ATG4B: variants seen among roughly 807,000 people sequenced by gnomAD.
ATG4B encodes cysteine protease ATG4B.
ATG4B carries 29 observed loss-of-function variants against 56.6 expected under a neutral mutation model. The observed-to-expected ratio is 0.51, with a 90% CI of 0.38 to 0.70. The LOEUF is 0.70. Ranked by LOEUF, ATG4B falls within the 30% of genes least tolerant of loss-of-function variation. The probability of loss-of-function intolerance (pLI) is 0.00; values close to 1 mark genes in which losing one functional copy is unlikely to be tolerated. For synonymous variants in ATG4B, 224 were observed against 206.1 expected (o/e 1.09, Z -0.74); for missense variants, 461 against 515.5 (o/e 0.89, Z 1.02).
chr2:241,655,970 T>C (rs1382929556), intron 6 of ATG4B, among the ~76,000 whole-genome samples: 1 of 152,198 alleles, frequency 6.6e-6, no homozygotes, highest in African/African-American at 2.4e-5. Context: ...TCTGATTCCA[T>C]GTGTCCTGGC....
intron 7 of ATG4B, among the ~76,000 whole-genome samples, chr2:241,664,772 C>T (rs1011302525): frequency 1.9e-4 from 29 of 151,902 alleles, no homozygotes; most frequent in Admixed American, 1.7e-3. Flanking sequence ...GAGACCAGCC[C>T]GGCCAATGTG....
chr2:241,639,766 A>G (rs1011719403), intron 1 of ATG4B, among the ~76,000 whole-genome samples: 2 of 152,198 alleles, frequency 1.3e-5, no homozygotes, highest in African/African-American at 4.8e-5. Flanking sequence ...TATGCAAAAA[A>G]GGTTAAAACA....
At chr2:241,654,434 A>G (rs2068328883) in intron 4 of ATG4B, 112 bp from the exon 5 acceptor site, 1 of 720,732 alleles carries the variant, frequency 1.4e-6, no homozygotes, top group East Asian at 2.9e-5. Context: ...AAAAAAAAAA[A>G]AAAAAAAAGA....
In ATG4B at chr2:241,651,284, G is replaced by A; in HGVS notation, c.133G>A (p.Asp45Asn). The change falls in exon 3 of 13, where the codon GAT becomes AAT. Residue 45 changes from aspartate to asparagine, a missense_variant. Transcript: ENST00000404914. The surrounding 1 kb of genome is among the most constrained non-coding windows in gnomAD (Gnocchi z 4.1). ...TCTAGAAAAGGACGAGATCTTGTCT[G>A]ATGTGGCATCTAGACTTTGGTTTAC... is the stretch of plus-strand genomic sequence containing the variant. ...IFTEKDEILS[D>N]VASRLWFTYR... The A allele has an allele frequency of 6.2e-7, 1 of 1,602,344 alleles. No individual in the cohort carries two copies. The highest frequency in any genetic ancestry group is 8.5e-7 in the Non-Finnish European group (1 of 1,173,940).
At chr2:241,656,062 C>G (rs2068392542) in intron 6 of ATG4B, among the ~76,000 whole-genome samples, 2 of 152,172 alleles carry the variant, frequency 1.3e-5, no homozygotes, top group Admixed American at 1.3e-4. Flanking sequence ...GTCTGAGGGC[C>G]AGCGTCTCCC....
chr2:241,670,197 T>C (rs1346152611), intron 10 of ATG4B, among the ~76,000 whole-genome samples: 2 of 152,146 alleles, frequency 1.3e-5, no homozygotes, highest in Non-Finnish European at 2.9e-5. Flanking sequence ...CTAGTGACTG[T>C]CATTACAGGC....
At chr2:241,659,062 C>T in intron 6 of ATG4B, 46 bp from the exon 7 acceptor site, 1 of 1,466,522 alleles carries the variant, frequency 6.8e-7, no homozygotes, top group Non-Finnish European at 9.3e-7. Flanking sequence ...GATGAACCGT[C>T]TTTGAATTGT....
At chr2:241,640,291 C>T (rs1173709411) in intron 1 of ATG4B, among the ~76,000 whole-genome samples, 1 of 152,228 alleles carries the variant, frequency 6.6e-6, no homozygotes, top group Non-Finnish European at 1.5e-5. Flanking sequence ...TTAAAGGTCT[C>T]TGTTTATGCT....
chr2:241,650,482 G>C (rs1022069639), intron 1 of ATG4B, among the ~76,000 whole-genome samples: 1 of 152,094 alleles, frequency 6.6e-6, no homozygotes, highest in African/African-American at 2.4e-5. Context: ...CTCTGAACAC[G>C]CTGCCATGGT....
Position 241,668,139 on chromosome 2 carries a change from A to T in ATG4B, c.733-4A>T. ...CCTGTGCTCAGTCCCCCGCCCCTCC[A>T]CAGCACTGCTTCATGATGCCCCAGT... On this transcript the variant is annotated splice_region_variant and splice_polypyrimidine_tract_variant and intron_variant, in intron 8 of 12. Transcript: ENST00000404914. This position sits in a 1 kb window ranked among gnomAD's most constrained non-coding sequence, Gnocchi z 4.2. 1 of 1,594,044 alleles carries T rather than the reference A, an allele frequency of 6.3e-7. No individual in the cohort carries two copies.
chr2:241,654,967 A>G, intron 5 of ATG4B: 2 of 572,200 alleles, frequency 3.5e-6, no homozygotes, highest in South Asian at 4.3e-5. Context: ...ATTGAAGTGG[A>G]GTGAGTAAAG....
chr2:241,670,622 C>G (rs935696341), intron 10 of ATG4B, 104 bp from the exon 11 acceptor site: 5 of 1,079,124 alleles, frequency 4.6e-6, no homozygotes, highest in Non-Finnish European at 7.0e-6. Flanking sequence ...CACCTGCATG[C>G]TGGGGGCCTC....
intron 11 of ATG4B, among the ~76,000 whole-genome samples, 198 bp from the exon 12 acceptor site, chr2:241,671,114 C>T (rs1372574326): frequency 3.3e-5 from 5 of 152,320 alleles, no homozygotes; most frequent in Middle Eastern, 3.4e-3. Flanking sequence ...CCCCCTCTGC[C>T]GTGGTGGTCA....
At chr2:241,658,908 C>A (rs764352130) in intron 6 of ATG4B, among the ~76,000 whole-genome samples, 200 bp from the exon 7 acceptor site, 1 of 152,216 alleles carries the variant, frequency 6.6e-6, no homozygotes, top group South Asian at 2.1e-4. Flanking sequence ...GACCCCTGGG[C>A]CTCAGGCGAG....
intron 12 of ATG4B, chr2:241,671,952 GCCTGAGATTGT>G (rs2068990283): frequency 7.1e-7 from 1 of 1,399,432 alleles, no homozygotes. Context: ...GGCCCCTCAG[GCCTGAGATTGT>G]GCCGGCCGCC....
At chr2:241,657,716 C>T (rs1302063466) in intron 6 of ATG4B, among the ~76,000 whole-genome samples, 4 of 152,230 alleles carry the variant, frequency 2.6e-5, no homozygotes, top group Admixed American at 6.5e-5. Context: ...ACTCCCTGTG[C>T]TGGTCCCAGC....
At position 241,657,006 on chromosome 2, in the gene ATG4B, T is replaced by G. The variant is rs2068425678; in HGVS notation, c.458+1663T>G. ...TTTTTTTTGAGACAGTCTAGCTCAG[T>G]AGCCTGGGCTGGAGTGCAGTGGTGC... On this transcript the variant is annotated intron_variant, in intron 6 of 12. Transcript: ENST00000404914. Among the ~76,000 whole-genome samples, 5 of 145,292 alleles carry G rather than the reference T, an allele frequency of 3.4e-5. No individual in the cohort carries two copies. In the South Asian group the frequency reaches 1.1e-3, roughly 32 times the overall value.
intron 1 of ATG4B, among the ~76,000 whole-genome samples, chr2:241,641,886 G>T (rs887505444): frequency 6.6e-6 from 1 of 152,172 alleles, no homozygotes; most frequent in Non-Finnish European, 1.5e-5. Context: ...CCAGTCCCTA[G>T]CACTGTCCCT....
chr2:241,670,539 A>G, intron 10 of ATG4B, 187 bp from the exon 11 acceptor site: 1 of 633,454 alleles, frequency 1.6e-6, no homozygotes. Context: ...GCACTGGTGC[A>G]GGGGACCATG....
Sources: allele counts gnomAD v4.1 joint callset (sites outside exome capture counted in the v4.1 genomes callset), GRCh38; gene constraint gnomAD v4.1.1; non-coding constraint Gnocchi (gnomAD v3.1); transcripts MANE v1.5; gene names NCBI Gene and HGNC (gene_info 2026-07-23, HGNC 2026-07-21).